C1RL: variants seen among roughly 807,000 people sequenced by gnomAD.
The protein encoded by C1RL is complement C1r subcomponent like.
A neutral mutation model predicts 27.9 loss-of-function variants in C1RL; 27 were observed. The ratio of observed to expected loss-of-function variants is 0.97; its 90% confidence interval spans 0.71 to 1.33. The LOEUF is 1.33. Ranked by LOEUF, C1RL falls within the 40% of genes most tolerant of loss-of-function variation. The probability of loss-of-function intolerance (pLI) is 0.00; values close to 1 mark genes in which losing one functional copy is unlikely to be tolerated. For missense variants in C1RL, 563 were observed against 623.9 expected (o/e 0.90, Z 1.04); for synonymous variants, 248 against 252.1 (o/e 0.98, Z 0.15).
chr12:7,098,421 G>A (rs899629836), intron 5 of C1RL: 11 of 152,188 alleles, frequency 7.2e-5, no homozygotes, highest in African/African-American at 2.7e-4. Flanking sequence ...TCCTCAAAAA[G>A]TTAAACAGAA....
rs551067081 is a variant in C1RL, at chr12:7,096,001, T to C, written c.*390A>G. On this transcript the variant is annotated 3_prime_UTR_variant, in exon 6 of 6. Coordinates refer to ENST00000266542, the MANE Select transcript of C1RL (RefSeq NM_016546.4). ...AATGCAATGAAAACCCCTTCCTCCA[T>C]ACTCTAATAGCGGGTGAGTAGCTGA... The C allele has an allele frequency of 9.9e-7, 1 of 1,009,254 alleles. No homozygotes were observed. The highest frequency in any genetic ancestry group is 1.2e-6 in the Non-Finnish European group (1 of 846,804). 62.5% of individuals were successfully genotyped at this position (1,009,254 alleles called of 1,614,324 possible).
At chr12:7,107,133 G>T (rs1938788876) in intron 2 of C1RL, among the ~76,000 whole-genome samples, 1 of 152,036 alleles carries the variant, frequency 6.6e-6, no homozygotes, top group South Asian at 2.1e-4. Context: ...GGGAGGAACA[G>T]CTTGGAGACT....
At position 7,099,555 on chromosome 12, in the gene C1RL, C is replaced by T. The variant is rs1040443183; in HGVS notation, c.691+131G>A. On this transcript the variant is annotated intron_variant, in intron 5 of 5. Transcript: ENST00000266542. ...TTCTTTTCTGGGCCTTCTTGATTGCCCTGTTCTTCCTCACCTTCTGCTTCT... is the reference window on the plus strand; with the variant it reads ...TTCTTTTCTGGGCCTTCTTGATTGCTCTGTTCTTCCTCACCTTCTGCTTCT... The T allele has an allele frequency of 9.8e-6, 14 of 1,430,778 alleles. No individual in the cohort carries two copies. In the African/African-American group the frequency reaches 2.0e-4, roughly 21 times the overall value. The allele number at this position is 1,430,778 out of a possible 1,614,324, so 88.6% of individuals were successfully genotyped here.
chr12:7,097,405 G>A, intron 5 of C1RL: 1 of 483,248 alleles, frequency 2.1e-6, no homozygotes, highest in Non-Finnish European at 3.6e-6. Flanking sequence ...TCAGCCTCCC[G>A]AGTAGCTGGG....
rs778073966 is a variant in C1RL, at chr12:7,104,263, A to G, written c.301-2176T>C. 6.6e-6 allele frequency among the ~76,000 whole-genome samples: 1 copy of G among 152,302 alleles called. No individual in the cohort carries two copies. Among genetic ancestry groups the G allele is most frequent in the Admixed American group, 6.5e-5 (1 of 15,292 alleles). On this transcript the variant is annotated intron_variant, in intron 2 of 5. Transcript: ENST00000266542. This position sits in a 1 kb window ranked among gnomAD's most constrained non-coding sequence, Gnocchi z 5.4. The stretch of plus-strand genomic sequence containing the variant: ...CCTGTGAGGGAGACTGCAGAATCCT[A>G]GAATCTCTGTGCACCCAGGCAACTC...
In C1RL at chr12:7,108,438, G is replaced by C. The variant is rs773162127; in HGVS notation, c.113C>G (p.Thr38Ser). The C allele has an allele frequency of 1.2e-6, 2 of 1,611,904 alleles. No individual in the cohort carries two copies. The highest frequency in any genetic ancestry group is 2.2e-5 in the South Asian group (2 of 90,802). The change falls in exon 2 of 6, where the codon ACC becomes AGC. Residue 38 changes from threonine to serine, a missense_variant. By Grantham distance (58) the Thr-to-Ser change is moderately conservative. Transcript: ENST00000266542. ...LLWGVLQACP[T>S]RGSVLLAQEL... ...TTGGGCCAAGAGGACGGAGCCCCGGGTTGGGCAAGCCTGGAGGACTCCCCA... is the reference window on the plus strand; with the variant it reads ...TTGGGCCAAGAGGACGGAGCCCCGGCTTGGGCAAGCCTGGAGGACTCCCCA...
intron 5 of C1RL, 83 bp downstream of exon 5, chr12:7,099,603 C>G: frequency 2.6e-6 from 4 of 1,517,326 alleles, no homozygotes; most frequent in Non-Finnish European, 3.6e-6. Flanking sequence ...TATTCTAAGG[C>G]TTTCCTTTAA....
chr12:7,106,013 A>G (rs867266526), intron 2 of C1RL, among the ~76,000 whole-genome samples: 1 of 152,202 alleles, frequency 6.6e-6, no homozygotes, highest in African/African-American at 2.4e-5. Flanking sequence ...GAAATTATTT[A>G]AAAAATAGCA....
chr12:7,095,119 T>C lies in C1RL; in HGVS notation c.*1272A>G. 1.6e-6 allele frequency: 2 copies of C among 1,242,700 alleles called. No homozygotes were observed. Among genetic ancestry groups the C allele is most frequent in the Non-Finnish European group, 2.1e-6 (2 of 971,312 alleles). The allele number at this position is 1,242,700 out of a possible 1,614,324, so 77.0% of individuals were successfully genotyped here. On this transcript the variant is annotated 3_prime_UTR_variant, in exon 6 of 6. Transcript: ENST00000266542. The stretch of plus-strand genomic sequence containing the variant: ...GTCTTTCACTGTAAATCACCTCCAA[T>C]CTTTTTTTTTTGGGGGGGATGAAGT...
chr12:7,095,777 C>T lies in C1RL; in HGVS notation c.*614G>A. 1 of 756,826 alleles carries T rather than the reference C, an allele frequency of 1.3e-6. No individual in the cohort carries two copies. Among genetic ancestry groups the T allele is most frequent in the South Asian group, 6.0e-5 (1 of 16,672 alleles). 46.9% of individuals were successfully genotyped at this position (756,826 alleles called of 1,614,324 possible). A position where few individuals can be genotyped will look rare whatever the true frequency, so the allele number is the denominator to read the frequency against. ...CCCTTTATCCCCTGAGCCTCAGTTT[C>T]CTCATTTGTCACACATAGATAATAA... On this transcript the variant is annotated 3_prime_UTR_variant, in exon 6 of 6. Transcript: ENST00000266542.
At position 7,094,784 on chromosome 12, in the gene C1RL, G is replaced by A. The variant is rs145586660; in HGVS notation, c.*1607C>T. The A allele has an allele frequency of 2.2e-4, 213 of 948,364 alleles. No homozygotes were observed. In the African/African-American group the frequency reaches 3.3e-3, roughly 15 times the overall value. 58.7% of individuals were successfully genotyped at this position (948,364 alleles called of 1,614,324 possible). On this transcript the variant is annotated 3_prime_UTR_variant, in exon 6 of 6. Transcript: ENST00000266542. ...TTTGGCGATGGGGTTTCACTATGTT[G>A]CTTAGGCTGGACTTCAACTCCTGGG...
In C1RL at chr12:7,099,329, G is replaced by A. The variant is rs187858214; in HGVS notation, c.691+357C>T. The stretch of plus-strand genomic sequence containing the variant: ...AATGGTTGACTGTCTGGCACTGTGT[G>A]GCATCTAGGTAGGGAGATATTTTAG... On this transcript the variant is annotated intron_variant, in intron 5 of 5. Coordinates refer to ENST00000266542, the MANE Select transcript of C1RL (RefSeq NM_016546.4). 3.3e-4 allele frequency: 89 copies of A among 267,834 alleles called. 1 individual carries two copies. Among genetic ancestry groups the A allele is most frequent in the African/African-American group, 1.9e-3 (84 of 43,380 alleles). The allele number at this position is 267,834 out of a possible 1,614,324, so 16.6% of individuals were successfully genotyped here. A position where few individuals can be genotyped will look rare whatever the true frequency, so the allele number is the denominator to read the frequency against.
At chr12:7,108,566 G>T (rs1938835876) in intron 1 of C1RL, 87 bp from the exon 2 acceptor site, 1 of 1,074,330 alleles carries the variant, frequency 9.3e-7, no homozygotes, top group Non-Finnish European at 1.3e-6. Context: ...GCCGCGCTAG[G>T]ACTCAGAGGC....
rs1214263861 is a variant in C1RL, at chr12:7,095,075, A to T, written c.*1316T>A. The stretch of plus-strand genomic sequence containing the variant: ...GGTGTTTATTTTCTATTTCCATTGA[A>T]CAGTTGTATTTTATTTGTGTCTTTC... On this transcript the variant is annotated 3_prime_UTR_variant, in exon 6 of 6. Transcript: ENST00000266542. 8.4e-7 allele frequency: 1 copy of T among 1,184,970 alleles called. No individual in the cohort carries two copies. The highest frequency in any genetic ancestry group is 1.1e-6 in the Non-Finnish European group (1 of 945,400). 73.4% of individuals were successfully genotyped at this position (1,184,970 alleles called of 1,614,324 possible).
chr12:7,099,041 C>CAAAAAAAAAAAAAAAAA (rs35402492), intron 5 of C1RL, among the ~76,000 whole-genome samples: 3 of 127,588 alleles, frequency 2.4e-5, no homozygotes, highest in East Asian at 4.4e-4. Context: ...ACTAAAAATA[C>CAAAAAAAAAAAAAAAAA]AAAAAAAAAA....
Position 7,096,155 on chromosome 12 carries a change from G to A in C1RL, c.*236C>T. On this transcript the variant is annotated 3_prime_UTR_variant, in exon 6 of 6. Transcript: ENST00000266542. ...GGGCCTAGTGCATGAGCACAGGGAG[G>A]TAGAGGGTGAGGAGGAGCGGTCTGT... 5 of 1,322,836 alleles carry A rather than the reference G, an allele frequency of 3.8e-6. No homozygotes were observed. Among genetic ancestry groups the A allele is most frequent in the Non-Finnish European group, 4.8e-6 (5 of 1,037,654 alleles). The allele number at this position is 1,322,836 out of a possible 1,614,324, so 81.9% of individuals were successfully genotyped here. A position where few individuals can be genotyped will look rare whatever the true frequency, so the allele number is the denominator to read the frequency against.
chr12:7,103,532 T>C (rs906894571), intron 2 of C1RL, among the ~76,000 whole-genome samples: 2 of 152,200 alleles, frequency 1.3e-5, no homozygotes, highest in Non-Finnish European at 2.9e-5. Flanking sequence ...TCCTTCAAAA[T>C]TCATTATGTT....
chr12:7,106,751 A>C (rs1223986476), intron 2 of C1RL, among the ~76,000 whole-genome samples: 4 of 152,174 alleles, frequency 2.6e-5, no homozygotes, highest in Non-Finnish European at 5.9e-5. Flanking sequence ...AAAACAAAAC[A>C]AAAAAACTCC....
In C1RL at chr12:7,096,633, T is replaced by C. The variant is rs1156502154; in HGVS notation, c.1222A>G (p.Lys408Glu). The C allele has an allele frequency of 5.0e-6, 8 of 1,614,000 alleles. No individual in the cohort carries two copies. The highest frequency in any genetic ancestry group is 6.8e-6 in the Non-Finnish European group (8 of 1,180,024). The change falls in exon 6 of 6, where the codon AAG becomes GAG. Residue 408 changes from lysine to glutamate, a missense_variant. By Grantham distance (56) the Lys-to-Glu change is moderately conservative. Coordinates refer to ENST00000266542, the MANE Select transcript of C1RL (RefSeq NM_016546.4). Reference sequence around the variant, plus strand: ...GAAAACACCTCGGGTCTCTGTCTCTTTTGGAGCCAGGCGTTGCAGGCCTCC... The same window carrying C: ...GAAAACACCTCGGGTCTCTGTCTCTCTTGGAGCCAGGCGTTGCAGGCCTCC... ...PREACNAWLQ[K>E]RQRPEVFSDN... is the part of the protein sequence containing the mutation.
Sources: gnomAD v4.1 joint callset for allele counts (sites outside exome capture counted in the v4.1 genomes callset) on GRCh38, gnomAD v4.1.1 for gene constraint, Gnocchi (gnomAD v3.1) non-coding constraint, MANE v1.5 for transcripts, NCBI Gene and HGNC (gene_info 2026-07-23, HGNC 2026-07-21) for gene names.